Variants in TRERF1 observed in about 807,000 individuals in gnomAD.
TRERF1 encodes transcriptional regulating factor 1, also known as transcriptional-regulating factor 1.
Under a neutral mutation model 122.9 loss-of-function variants are expected in TRERF1, and 27 were observed. That is an observed-to-expected ratio of 0.22 (90% CI 0.16 to 0.30). The LOEUF (loss-of-function observed/expected upper bound fraction) is 0.30, where lower values mean the gene tolerates loss of function less well. Ranked by LOEUF, TRERF1 falls within the 10% of genes least tolerant of loss-of-function variation. The pLI is 1.00. For synonymous variants in TRERF1, 636 were observed against 641.7 expected (o/e 0.99, Z 0.13); for missense variants, 1,248 against 1,560.3 (o/e 0.80, Z 3.37).
intron 4 of TRERF1, among the ~76,000 whole-genome samples, chr6:42,299,061 C>T (rs979912342): frequency 6.9e-6 from 1 of 145,546 alleles, no homozygotes; most frequent in African/African-American, 2.7e-5. Flanking sequence ...GGCAAGAGAG[C>T]AAGACCCTGT....
At chr6:42,434,668 C>CCACACAGACACA (rs1554218672) in intron 2 of TRERF1, among the ~76,000 whole-genome samples, 1,261 of 114,980 alleles carry the variant, frequency 0.011, 19 homozygotes, top group African/African-American at 0.023. Context: ...ACACCCTCCA[C>CCACACAGACACA]CACACACACA....
At chr6:42,324,607 C>T (rs1409981559) in intron 3 of TRERF1, among the ~76,000 whole-genome samples, 3 of 152,178 alleles carry the variant, frequency 2.0e-5, no homozygotes, top group Non-Finnish European at 2.9e-5. Context: ...CACACACCTA[C>T]AACCAACTGA....
At position 42,427,870 on chromosome 6, in the gene TRERF1, A is replaced by T. The variant is rs180931886; in HGVS notation, c.-454+23307T>A. On this transcript the variant is annotated intron_variant, in intron 2 of 17. Transcript: ENST00000372922. ...CAGCACATTCTTTTTAATATATATA[A>T]AAAAAAAATCAGACTCTTGACACCA... Among the ~76,000 whole-genome samples, 414 of 151,358 alleles carry T rather than the reference A, an allele frequency of 2.7e-3. 1 individual carries two copies. Among genetic ancestry groups the T allele is most frequent in the African/African-American group, 8.5e-3 (352 of 41,252 alleles).
intron 15 of TRERF1, among the ~76,000 whole-genome samples, chr6:42,236,894 A>T (rs937686228): frequency 2.0e-5 from 3 of 152,140 alleles, no homozygotes; most frequent in Non-Finnish European, 4.4e-5. Context: ...TTTATAACAC[A>T]CCATGCAAGA....
exon 7 of TRERF1, chr6:42,264,830 C>T (rs760574495): frequency 1.2e-6 from 2 of 1,614,048 alleles, no homozygotes; most frequent in Non-Finnish European, 1.7e-6. Context: ...CAAACTGCTC[C>T]CCAAACGCTC....
At chr6:42,449,921 A>T (rs1788170011) in intron 2 of TRERF1, among the ~76,000 whole-genome samples, 1 of 152,118 alleles carries the variant, frequency 6.6e-6, no homozygotes, top group Admixed American at 6.5e-5. Context: ...AGCTTAACCA[A>T]CCTCAGTTAA....
chr6:42,281,751 G>A (rs938340198), intron 4 of TRERF1, among the ~76,000 whole-genome samples: 2 of 152,156 alleles, frequency 1.3e-5, no homozygotes, highest in African/African-American at 4.8e-5. Context: ...GCGTGGCATC[G>A]ATGAGCTGGA....
chr6:42,433,826 T>G (rs561624333), intron 2 of TRERF1, among the ~76,000 whole-genome samples: 5 of 152,152 alleles, frequency 3.3e-5, no homozygotes, highest in African/African-American at 1.2e-4. Context: ...AAGACCAGCC[T>G]GGATAAACAG....
intron 2 of TRERF1, among the ~76,000 whole-genome samples, chr6:42,417,856 A>G (rs1582108817): frequency 6.6e-6 from 1 of 152,202 alleles, no homozygotes; most frequent in South Asian, 2.1e-4. Flanking sequence ...TAGCTGCGCC[A>G]AGAACTCGGT....
intron 2 of TRERF1, among the ~76,000 whole-genome samples, chr6:42,397,651 A>G (rs1778819410): frequency 6.6e-6 from 1 of 152,156 alleles, no homozygotes; most frequent in Non-Finnish European, 1.5e-5. Context: ...TTATTTTCCA[A>G]TAAAAACCCC....
chr6:42,338,752 A>C (rs557114578), intron 3 of TRERF1, among the ~76,000 whole-genome samples: 7 of 152,266 alleles, frequency 4.6e-5, no homozygotes, highest in Admixed American at 3.9e-4. Flanking sequence ...TGTGGCTAGA[A>C]TGGGACCTAC....
intron 14 of TRERF1, among the ~76,000 whole-genome samples, chr6:42,243,604 G>A (rs866663568): frequency 1.6e-4 from 24 of 149,322 alleles, no homozygotes; most frequent in Middle Eastern, 3.4e-3. Flanking sequence ...TTTTTGAGAC[G>A]GAGTCTTGCT....
At chr6:42,403,774 G>A (rs574378248) in intron 2 of TRERF1, among the ~76,000 whole-genome samples, 2 of 152,290 alleles carry the variant, frequency 1.3e-5, no homozygotes, top group South Asian at 4.1e-4. Flanking sequence ...ATTCCAGAGC[G>A]CATTTTGTAA....
intron 2 of TRERF1, among the ~76,000 whole-genome samples, chr6:42,418,218 C>CTTTTTTTTTTTTT (rs34388801): frequency 2.9e-5 from 1 of 34,664 alleles, no homozygotes; most frequent in Non-Finnish European, 5.0e-5. Flanking sequence ...TTTTTCTTTC[C>CTTTTTTTTTTTTT]TTTTTTTTTT....
At chr6:42,412,611 T>G (rs1335978907) in intron 2 of TRERF1, among the ~76,000 whole-genome samples, 1 of 152,128 alleles carries the variant, frequency 6.6e-6, no homozygotes, top group East Asian at 1.9e-4. Context: ...AACAACTAAC[T>G]GATCCAAATG....
intron 1 of TRERF1, among the ~76,000 whole-genome samples, 24 bp downstream of exon 1, chr6:42,451,650 C>A (rs1357411187): frequency 6.7e-6 from 1 of 149,644 alleles, no homozygotes; most frequent in African/African-American, 2.5e-5. Context: ...CCTCCCCATG[C>A]GCCCTCCCCG....
intron 2 of TRERF1, among the ~76,000 whole-genome samples, chr6:42,387,540 G>A (rs1473652914): frequency 6.6e-6 from 1 of 152,206 alleles, no homozygotes; most frequent in Non-Finnish European, 1.5e-5. Flanking sequence ...TGCACTGGTG[G>A]TTAATGACAA....
intron 3 of TRERF1, among the ~76,000 whole-genome samples, chr6:42,307,825 C>T (rs1787553833): frequency 6.6e-6 from 1 of 152,234 alleles, no homozygotes; most frequent in South Asian, 2.1e-4. Flanking sequence ...TAGACTCTGA[C>T]TGAACTCACT....
chr6:42,318,987 G>A (rs1012931838), intron 3 of TRERF1, among the ~76,000 whole-genome samples: 1 of 152,198 alleles, frequency 6.6e-6, no homozygotes, highest in Non-Finnish European at 1.5e-5. Flanking sequence ...ATGAAATGTG[G>A]GCCAAGTAAC....
Sources: allele counts gnomAD v4.1 joint callset (sites outside exome capture counted in the v4.1 genomes callset), GRCh38; gene constraint gnomAD v4.1.1; transcripts MANE v1.5; gene names NCBI Gene and HGNC (gene_info 2026-07-23, HGNC 2026-07-21).